Variants in DPP10 observed in about 807,000 individuals in gnomAD.
DPP10 encodes dipeptidyl peptidase like 10, also known as inactive dipeptidyl peptidase 10.
A neutral mutation model predicts 120.9 loss-of-function variants in DPP10; 33 were observed. The observed-to-expected ratio is 0.27, with a 90% CI of 0.21 to 0.37. The LOEUF (loss-of-function observed/expected upper bound fraction) is 0.37, where lower values mean the gene tolerates loss of function less well. Among genes scored for constraint, DPP10 ranks in the 10% least tolerant of loss-of-function variants. DPP10 has a pLI of 1.00. For synonymous variants in DPP10, 337 were observed against 326.1 expected (o/e 1.03, Z -0.36); for missense variants, 816 against 942.8 (o/e 0.87, Z 1.76).
chr2:115,093,429 AAAT>A (rs1299146277), intron 1 of DPP10, among the ~76,000 whole-genome samples: 1 of 152,148 alleles, frequency 6.6e-6, no homozygotes, highest in Non-Finnish European at 1.5e-5. Flanking sequence ...TGCCCAATAT[AAAT>A]AATAACTAAA....
chr2:115,429,572 A>T (rs1250233054), intron 3 of DPP10, among the ~76,000 whole-genome samples: 1 of 152,214 alleles, frequency 6.6e-6, no homozygotes, highest in East Asian at 1.9e-4. Flanking sequence ...TCTAGACACA[A>T]TACCCACAGT....
intron 3 of DPP10, among the ~76,000 whole-genome samples, chr2:115,354,635 A>G (rs181203322): frequency 6.6e-6 from 1 of 150,448 alleles, no homozygotes; most frequent in Non-Finnish European, 1.5e-5. Context: ...GGTTTGTTAC[A>G]TAGGTATACA....
intron 1 of DPP10, among the ~76,000 whole-genome samples, chr2:115,017,844 G>A (rs1219225717): frequency 1.3e-5 from 2 of 151,474 alleles, no homozygotes; most frequent in East Asian, 3.9e-4. Flanking sequence ...TCACACACAG[G>A]GCCTGTTGTG....
At chr2:114,807,932 C>T (rs114988222) in intron 1 of DPP10, among the ~76,000 whole-genome samples, 288 of 152,222 alleles carry the variant, frequency 1.9e-3, no homozygotes, top group African/African-American at 6.3e-3. Flanking sequence ...GCTAAGGTGA[C>T]GAAGCAAACA....
chr2:115,551,722 A>G (rs769965149), intron 5 of DPP10, among the ~76,000 whole-genome samples: 6 of 152,114 alleles, frequency 3.9e-5, no homozygotes, highest in Non-Finnish European at 5.9e-5. Flanking sequence ...TGGGAATCCA[A>G]TGTATCTATT....
At chr2:115,154,952 C>T (rs1018800889) in intron 1 of DPP10, among the ~76,000 whole-genome samples, 7 of 149,966 alleles carry the variant, frequency 4.7e-5, no homozygotes, top group Non-Finnish European at 8.9e-5. Flanking sequence ...AGTGCAGTGG[C>T]GCCATCTTGG....
intron 19 of DPP10, among the ~76,000 whole-genome samples, chr2:115,807,919 A>G (rs575510748): frequency 6.6e-6 from 1 of 152,336 alleles, no homozygotes; most frequent in Admixed American, 6.5e-5. Context: ...CACAGATAAC[A>G]ATGTTAATGA....
intron 1 of DPP10, among the ~76,000 whole-genome samples, chr2:114,665,735 G>A (rs961123364): frequency 2.0e-5 from 3 of 152,130 alleles, no homozygotes; most frequent in African/African-American, 4.8e-5. Flanking sequence ...AGAGAAAAAT[G>A]TGTTGTCCAT....
At chr2:115,556,496 A>G (rs900706631) in intron 5 of DPP10, among the ~76,000 whole-genome samples, 1 of 152,016 alleles carries the variant, frequency 6.6e-6, no homozygotes, top group African/African-American at 2.4e-5. Context: ...GATTGTGAGA[A>G]AAGAGATCCC....
intron 1 of DPP10, among the ~76,000 whole-genome samples, chr2:114,949,255 G>A: frequency 6.6e-6 from 1 of 152,008 alleles, no homozygotes; most frequent in African/African-American, 2.4e-5. Context: ...CAAGTCTCCT[G>A]AGAACTCATT....
At chr2:114,489,374 C>A (rs565035130) in intron 1 of DPP10, among the ~76,000 whole-genome samples, 1 of 152,184 alleles carries the variant, frequency 6.6e-6, no homozygotes, top group Non-Finnish European at 1.5e-5. Context: ...AGAAGCTTCC[C>A]AACCACATGC....
At chr2:114,950,653 A>G (rs34710947) in intron 1 of DPP10, among the ~76,000 whole-genome samples, 38,771 of 151,500 alleles carry the variant, frequency 0.26, 5,005 homozygotes, top group East Asian at 0.36. Context: ...CTATCTTCAC[A>G]GTGTACTTAT....
intron 1 of DPP10, among the ~76,000 whole-genome samples, chr2:115,035,455 A>G (rs537266046): frequency 6.6e-6 from 1 of 152,330 alleles, no homozygotes; most frequent in East Asian, 1.9e-4. Context: ...ACTCCAACGT[A>G]TCTTGAAGGA....
At chr2:114,903,472 G>A (rs888846050) in intron 1 of DPP10, among the ~76,000 whole-genome samples, 2 of 152,096 alleles carry the variant, frequency 1.3e-5, no homozygotes, top group Non-Finnish European at 2.9e-5. Context: ...TTGAATTTTG[G>A]TCATTCTAAT....
chr2:114,683,547 C>G (rs959188864), intron 1 of DPP10, among the ~76,000 whole-genome samples: 3 of 147,722 alleles, frequency 2.0e-5, no homozygotes, highest in African/African-American at 7.5e-5. Context: ...TTCCTTCCTC[C>G]CTCTCTCTCT....
chr2:114,502,713 T>C (rs1683305846), intron 1 of DPP10, among the ~76,000 whole-genome samples: 1 of 152,224 alleles, frequency 6.6e-6, no homozygotes, highest in Non-Finnish European at 1.5e-5. Flanking sequence ...CATGTGGTAG[T>C]ACCTAGTAAG....
intron 1 of DPP10, among the ~76,000 whole-genome samples, chr2:115,174,514 G>A (rs2053568624): frequency 6.6e-6 from 1 of 152,046 alleles, no homozygotes. Context: ...AAATTTTTGG[G>A]TACTTATATA....
intron 1 of DPP10, among the ~76,000 whole-genome samples, chr2:114,600,743 A>G (rs1386549046): frequency 6.6e-6 from 1 of 151,854 alleles, no homozygotes; most frequent in Non-Finnish European, 1.5e-5. Flanking sequence ...CTCAGCTCTT[A>G]TGCATTGGAA....
chr2:115,088,826 T>C (rs953960250), intron 1 of DPP10, among the ~76,000 whole-genome samples: 1 of 150,986 alleles, frequency 6.6e-6, no homozygotes, highest in East Asian at 2.0e-4. Context: ...ATAATGAATT[T>C]ATATTAATTT....
Sources: gnomAD v4.1 joint callset for allele counts (sites outside exome capture counted in the v4.1 genomes callset) on GRCh38, gnomAD v4.1.1 for gene constraint, MANE v1.5 for transcripts, NCBI Gene and HGNC (gene_info 2026-07-23, HGNC 2026-07-21) for gene names.